The following FNDC3B variants were observed in gnomAD, a reference collection of about 807,000 sequenced individuals.
FNDC3B encodes the protein fibronectin type III domain containing 3B.
Under a neutral mutation model 151.5 loss-of-function variants are expected in FNDC3B, and 12 were observed. The ratio of observed to expected loss-of-function variants is 0.08; its 90% CI spans 0.05 to 0.13. The LOEUF (loss-of-function observed/expected upper bound fraction) is 0.13. FNDC3B is among the 10% of genes least tolerant of loss of function. The pLI is 1.00. For missense variants in FNDC3B, 1,214 were observed against 1,505.3 expected (o/e 0.81, Z 3.20); for synonymous variants, 528 against 549.0 (o/e 0.96, Z 0.54).
intron 11 of FNDC3B, among the ~76,000 whole-genome samples, chr3:172,324,990 TCCCAGGC>T (rs1365553532): frequency 1.3e-5 from 2 of 152,170 alleles, no homozygotes; most frequent in East Asian, 3.9e-4. Flanking sequence ...ACCAGCTGAC[TCCCAGGC>T]CCTGGCAGCC....
At chr3:172,337,505 A>ATCTT in intron 16 of FNDC3B, 104 bp downstream of exon 16, 1 of 777,594 alleles carries the variant, frequency 1.3e-6, no homozygotes, top group Non-Finnish European at 2.2e-6. Context: ...AATTCTAAAG[A>ATCTT]TAGAATTATT....
chr3:172,364,357 TC>T (rs1230646233), intron 23 of FNDC3B, among the ~76,000 whole-genome samples: 1 of 152,226 alleles, frequency 6.6e-6, no homozygotes, highest in African/African-American at 2.4e-5. Context: ...TGGTGGTAAA[TC>T]CTTAGAAAAT....
At chr3:172,253,287 A>G (rs779225880) in intron 6 of FNDC3B, among the ~76,000 whole-genome samples, 7 of 152,244 alleles carry the variant, frequency 4.6e-5, no homozygotes, top group Non-Finnish European at 8.8e-5. Context: ...GGGTTCCAGT[A>G]GCATTGCTTG....
At chr3:172,279,443 G>A (rs1265940789) in intron 6 of FNDC3B, among the ~76,000 whole-genome samples, 1 of 152,094 alleles carries the variant, frequency 6.6e-6, no homozygotes, top group Non-Finnish European at 1.5e-5. Context: ...ATATTTTCCT[G>A]GAATGGAAAG....
intron 23 of FNDC3B, among the ~76,000 whole-genome samples, chr3:172,376,753 T>C (rs1216333631): frequency 6.7e-6 from 1 of 149,792 alleles, no homozygotes; most frequent in East Asian, 2.0e-4. Context: ...GAACACTAAA[T>C]AGGTGAAATG....
chr3:172,248,124 C>A (rs186463088), intron 5 of FNDC3B, among the ~76,000 whole-genome samples: 31 of 152,276 alleles, frequency 2.0e-4, no homozygotes, highest in African/African-American at 7.0e-4. Context: ...GCCTGAGGTA[C>A]AACTGTGGCA....
chr3:172,315,640 G>A (rs1003872292), intron 11 of FNDC3B, among the ~76,000 whole-genome samples: 1 of 152,166 alleles, frequency 6.6e-6, no homozygotes, highest in Admixed American at 6.5e-5. Context: ...TCATTTTCAA[G>A]TCTTTTTCAC....
chr3:172,320,276 A>T (rs1367935547), intron 11 of FNDC3B, among the ~76,000 whole-genome samples: 2 of 152,146 alleles, frequency 1.3e-5, no homozygotes, highest in East Asian at 3.8e-4. Flanking sequence ...GTTGCTTGGG[A>T]GGCTGAGGCA....
At chr3:172,073,578 A>G (rs951466393) in intron 1 of FNDC3B, among the ~76,000 whole-genome samples, 1 of 152,196 alleles carries the variant, frequency 6.6e-6, no homozygotes, top group Non-Finnish European at 1.5e-5. Context: ...AAAGACAATT[A>G]TGGTTTATTT....
At chr3:172,123,843 A>G (rs1317056527) in intron 2 of FNDC3B, among the ~76,000 whole-genome samples, 1 of 152,206 alleles carries the variant, frequency 6.6e-6, no homozygotes, top group Admixed American at 6.5e-5. Context: ...AATGGCATCC[A>G]TATTTTTCTC....
chr3:172,249,306 T>C (rs948629565), intron 5 of FNDC3B, among the ~76,000 whole-genome samples: 1 of 152,210 alleles, frequency 6.6e-6, no homozygotes, highest in Non-Finnish European at 1.5e-5. Flanking sequence ...GTAAATGCTG[T>C]CCTTTGCAAT....
intron 8 of FNDC3B, among the ~76,000 whole-genome samples, chr3:172,298,502 T>C (rs1270692643): frequency 6.6e-6 from 1 of 152,264 alleles, no homozygotes; most frequent in African/African-American, 2.4e-5. Context: ...ATTAGTAAGT[T>C]AACCATGCCA....
At chr3:172,358,069 G>A (rs569370675) in intron 22 of FNDC3B, among the ~76,000 whole-genome samples, 2 of 152,336 alleles carry the variant, frequency 1.3e-5, no homozygotes, top group South Asian at 4.1e-4. Flanking sequence ...CGATATAAGA[G>A]TATGGTGTGC....
rs541173116 is a variant in FNDC3B, at chr3:172,216,220, A to G, written c.188-10651A>G. Among the ~76,000 whole-genome samples, 21 of 152,196 alleles carry G rather than the reference A, an allele frequency of 1.4e-4. 1 individual carries two copies. In the South Asian group the frequency reaches 3.7e-3, roughly 27 times the overall value. The stretch of plus-strand genomic sequence containing the variant: ...TAAATATCAGAAGCCTTTTCTCAGT[A>G]TTATTGAGTTGCATTTGTATAATTC... On this transcript the variant is annotated intron_variant, in intron 3 of 25. Coordinates refer to ENST00000415807, the MANE Select transcript of FNDC3B (RefSeq NM_022763.4).
In FNDC3B at chr3:172,211,118, TTAAA is replaced by T. The variant is rs1378573281; in HGVS notation, c.188-15750_188-15747del. 3.9e-5 allele frequency among the ~76,000 whole-genome samples: 6 copies of T among 152,292 alleles called. No individual in the cohort carries two copies. The East Asian group carries it at 1.2e-3, about 29-fold the overall frequency. On this transcript the variant is annotated intron_variant, in intron 3 of 25. Transcript: ENST00000415807. ...TACACACACTGAAAAACATAAAACT[TTAAA>T]TATTTTAATGATTGCAAAGAGTATA...
chr3:172,159,809 G>T (rs1255742919), intron 3 of FNDC3B, among the ~76,000 whole-genome samples: 1 of 152,180 alleles, frequency 6.6e-6, no homozygotes, highest in Non-Finnish European at 1.5e-5. Flanking sequence ...TTAGCCACTC[G>T]TTTGTGTATT....
At chr3:172,055,381 G>A (rs1241973424) in intron 1 of FNDC3B, among the ~76,000 whole-genome samples, 4 of 152,016 alleles carry the variant, frequency 2.6e-5, no homozygotes, top group East Asian at 1.9e-4. Flanking sequence ...ATTGACACCC[G>A]TGGCAATCTC....
chr3:172,091,211 G>A (rs1718810349), intron 1 of FNDC3B, among the ~76,000 whole-genome samples: 1 of 152,192 alleles, frequency 6.6e-6, no homozygotes, highest in African/African-American at 2.4e-5. Context: ...AACTGTTATA[G>A]ATACAAGTAT....
At chr3:172,045,786 C>A (rs868801377) in intron 1 of FNDC3B, among the ~76,000 whole-genome samples, 2,576 of 139,258 alleles carry the variant, frequency 0.018, 20 homozygotes, top group African/African-American at 0.03. Flanking sequence ...CTCTCTCTCT[C>A]TCTCTCTCTA....
Sources: gnomAD v4.1 joint callset for allele counts (sites outside exome capture counted in the v4.1 genomes callset) on GRCh38, gnomAD v4.1.1 for gene constraint, MANE v1.5 for transcripts, NCBI Gene and HGNC (gene_info 2026-07-23, HGNC 2026-07-21) for gene names.